Variants in FOCAD observed in about 807,000 individuals in gnomAD.
The protein encoded by FOCAD is focadhesin, also known as KIAA1797.
In FOCAD, 198 loss-of-function variants were observed where a neutral mutation model predicts 225.6. The observed-to-expected ratio is 0.88, with a 90% CI of 0.78 to 0.99. The LOEUF is 0.99. FOCAD is among the 50% of genes least tolerant of loss of function. The probability of loss-of-function intolerance (pLI) is 0.00; values close to 1 mark genes in which losing one functional copy is unlikely to be tolerated. For synonymous variants in FOCAD, 897 were observed against 755.0 expected (o/e 1.19, Z -3.08); for missense variants, 2,713 against 2,123.6 (o/e 1.28, Z -5.46).
chr9:20,922,397 C>T (rs1049834651), intron 24 of FOCAD, among the ~76,000 whole-genome samples: 2 of 152,128 alleles, frequency 1.3e-5, no homozygotes, highest in African/African-American at 4.8e-5. Context: ...AGAGCTTAAC[C>T]ACTCTAAAGT....
intron 15 of FOCAD, among the ~76,000 whole-genome samples, chr9:20,824,937 C>A (rs1824713669): frequency 1.3e-5 from 2 of 151,698 alleles, no homozygotes; most frequent in South Asian, 4.2e-4. Flanking sequence ...TGTTATATAC[C>A]AGTTTTCTTT....
rs140038705 is a variant in FOCAD, at chr9:20,880,326, A to G, written c.2318-1545A>G. ...AGGAAGAAGAAAGAGTATCTGTATT[A>G]TAAATTGGGGTGCCTAAGGGGAGCC... On this transcript the variant is annotated intron_variant, in intron 19 of 43. Coordinates refer to ENST00000338382, the MANE Select transcript of FOCAD (RefSeq NM_001375567.1). 1.0e-3 allele frequency among the ~76,000 whole-genome samples: 154 copies of G among 152,304 alleles called. 1 individual carries two copies. The East Asian group carries it at 0.024, about 24-fold the overall frequency.
intron 40 of FOCAD, 51 bp from the exon 41 acceptor site, chr9:20,988,281 C>A: frequency 8.6e-7 from 1 of 1,164,434 alleles, no homozygotes; most frequent in Non-Finnish European, 1.3e-6. Flanking sequence ...ATCTGTTTTA[C>A]ATTTCAAAGG....
intron 15 of FOCAD, among the ~76,000 whole-genome samples, chr9:20,848,111 T>G (rs191130771): frequency 1.3e-5 from 2 of 152,200 alleles, no homozygotes; most frequent in Admixed American, 1.3e-4. Context: ...ACAAATTTAT[T>G]TGATCATAGT....
chr9:20,822,901 G>C, intron 14 of FOCAD, 88 bp from the exon 15 acceptor site: 1 of 1,294,894 alleles, frequency 7.7e-7, no homozygotes, highest in Admixed American at 3.1e-5. Context: ...TATAGAAAAT[G>C]ATGGATGCTT....
chr9:20,864,142 C>T (rs1052868668), intron 16 of FOCAD, among the ~76,000 whole-genome samples: 4 of 152,006 alleles, frequency 2.6e-5, no homozygotes, highest in Non-Finnish European at 5.9e-5. Context: ...CTTCCTCCTC[C>T]CACTTTCATC....
intron 1 of FOCAD, among the ~76,000 whole-genome samples, chr9:20,703,129 A>G: frequency 7.1e-6 from 1 of 141,468 alleles, no homozygotes; most frequent in African/African-American, 2.6e-5. Context: ...AAAGCTATGA[A>G]TGGTACAATA....
chr9:20,755,162 A>G (rs1001803195), intron 5 of FOCAD, among the ~76,000 whole-genome samples: 21 of 152,222 alleles, frequency 1.4e-4, no homozygotes, highest in African/African-American at 4.6e-4. Context: ...AATACTGTGT[A>G]TCATCACCTG....
chr9:20,725,181 A>G lies in FOCAD; in HGVS notation c.287+4647A>G, dbSNP rs534892940. The stretch of plus-strand genomic sequence containing the variant: ...AGTGAGACTCCGTCTCAATCAATCA[A>G]TCACTCAATCAATCAGTAAAATGCA... On this transcript the variant is annotated intron_variant, in intron 4 of 43. Transcript: ENST00000338382. Among the ~76,000 whole-genome samples, 8 of 152,254 alleles carry G rather than the reference A, an allele frequency of 5.3e-5. 1 individual carries two copies. The highest frequency in any genetic ancestry group is 1.7e-4 in the African/African-American group (7 of 41,548).
rs752502974 is a variant in FOCAD at position 20,823,071 on chromosome 9, G to A, written c.1876G>A (p.Ala626Thr). 8 of 1,609,042 alleles carry A rather than the reference G, an allele frequency of 5.0e-6. No individual in the cohort carries two copies. The highest frequency in any genetic ancestry group is 2.2e-5 in the East Asian group (1 of 44,578). ...ECTKPDQATP[A>T]ALVLQGLHAL... ...CACCAAGCCTGATCAAGCTACTCCAGCAGCCTTGGTATTACAGGGTCTTCA... is the reference window on the plus strand; with the variant it reads ...CACCAAGCCTGATCAAGCTACTCCAACAGCCTTGGTATTACAGGGTCTTCA... Residue 626 changes from alanine (A) to threonine (T), a missense_variant, in exon 15 of 44, where the codon GCA becomes ACA. Transcript: ENST00000338382.
chr9:20,673,897 G>C (rs559168908), intron 2 of FOCAD, among the ~76,000 whole-genome samples: 1 of 152,312 alleles, frequency 6.6e-6, no homozygotes, highest in Non-Finnish European at 1.5e-5. Flanking sequence ...TCTTTAATTA[G>C]ATTGTTTTTT....
chr9:20,929,477 G>A lies in FOCAD; in HGVS notation c.3198G>A (p.Leu1066=). The A allele has an allele frequency of 6.2e-7, 1 of 1,614,092 alleles. No individual in the cohort carries two copies. Among genetic ancestry groups the A allele is most frequent in the Non-Finnish European group, 8.5e-7 (1 of 1,180,016 alleles). ...GCAAAGAGAAGGTTGAGGAAATCCT[G>A]AACATGCTGACTGCCAGGTTACCTG... The part of the protein sequence containing the change: ...ISCKEKVEEI[L]NMLTARLPGK... Residue 1066 remains leucine, a synonymous_variant, in exon 27 of 44, where the codon CTG becomes CTA. Coordinates refer to ENST00000338382, the MANE Select transcript of FOCAD (RefSeq NM_001375567.1).
At chr9:20,901,134 C>T (rs747693052) in intron 21 of FOCAD, among the ~76,000 whole-genome samples, 3 of 150,320 alleles carry the variant, frequency 2.0e-5, no homozygotes, top group Non-Finnish European at 4.4e-5. Context: ...TATTGAGTGG[C>T]TTTTGGGGTC....
chr9:20,923,722 C>G lies in FOCAD; in HGVS notation c.2915C>G (p.Ser972Cys). The change falls in exon 25 of 44, where the codon TCT (serine) becomes TGT (cysteine). Residue 972 changes from serine (S) to cysteine (C), a missense_variant. Physicochemically the swap from Ser to Cys is moderately radical, Grantham distance 112. Transcript: ENST00000338382. ...CTAAGCAGCCTTGCTGTCGTCGTAT[C>G]TAGACATGAAGCCAGCCTCTCCTCA... The part of the protein sequence containing the change: ...LALSSLAVVV[S>C]RHEASLSSDS... The G allele has an allele frequency of 6.2e-7, 1 of 1,614,020 alleles. No homozygotes were observed. The highest frequency in any genetic ancestry group is 2.2e-5 in the East Asian group (1 of 44,876).
At chr9:20,815,502 C>A (rs10964728) in intron 11 of FOCAD, among the ~76,000 whole-genome samples, 4 of 151,852 alleles carry the variant, frequency 2.6e-5, no homozygotes, top group Non-Finnish European at 5.9e-5. Context: ...TCTTGGTTGG[C>A]AGTACCTACC....
At chr9:20,715,809 T>C (rs1398119828) in intron 2 of FOCAD, among the ~76,000 whole-genome samples, 6 of 152,132 alleles carry the variant, frequency 3.9e-5, no homozygotes, top group Non-Finnish European at 1.5e-5. Context: ...TTTATAATAA[T>C]GATATTTAAT....
intron 35 of FOCAD, among the ~76,000 whole-genome samples, chr9:20,965,595 G>T (rs1402576302): frequency 6.6e-6 from 1 of 152,058 alleles, no homozygotes; most frequent in East Asian, 1.9e-4. Context: ...GGCATTTAGT[G>T]CATTTACAAT....
At chr9:20,663,891 G>A (rs1477189517) in intron 2 of FOCAD, among the ~76,000 whole-genome samples, 1 of 151,834 alleles carries the variant, frequency 6.6e-6, no homozygotes, top group Non-Finnish European at 1.5e-5. Context: ...AAACATGTAG[G>A]GATTATGTTT....
chr9:20,755,937 G>A (rs1587034089), intron 5 of FOCAD, among the ~76,000 whole-genome samples: 1 of 152,104 alleles, frequency 6.6e-6, no homozygotes. Flanking sequence ...TGGGATTACA[G>A]GTGTGAATCA....
Sources: gnomAD v4.1 joint callset for allele counts (sites outside exome capture counted in the v4.1 genomes callset) on GRCh38, gnomAD v4.1.1 for gene constraint, MANE v1.5 for transcripts, NCBI Gene and HGNC (gene_info 2026-07-23, HGNC 2026-07-21) for gene names.